Variants in TANK observed in about 807,000 individuals in gnomAD.
TANK encodes the protein TRAF family member-associated NF-kappa-B activator.
TANK carries 15 observed loss-of-function variants against 43.6 expected under a neutral mutation model. That is an observed-to-expected ratio of 0.34 (90% confidence interval 0.23 to 0.53). The LOEUF (loss-of-function observed/expected upper bound fraction) is 0.53. Ranked by LOEUF, TANK falls within the 20% of genes least tolerant of loss-of-function variation. The pLI, the probability that TANK is intolerant of heterozygous loss-of-function variation, is 0.94. For missense variants in TANK, 417 were observed against 498.6 expected (o/e 0.84, Z 1.56); for synonymous variants, 162 against 178.2 (o/e 0.91, Z 0.73).
At chr2:161,149,115 T>A (rs1684000794) in intron 1 of TANK, among the ~76,000 whole-genome samples, 1 of 152,182 alleles carries the variant, frequency 6.6e-6, no homozygotes, top group African/African-American at 2.4e-5. Flanking sequence ...AGTCTTCCAA[T>A]CCATGGACAT....
rs987368053 is a variant in TANK, at chr2:161,211,767, A to G, written c.327+6974A>G. ...GTGATTATGCACACTGTACAATGGC[A>G]CAGGCCAATGTAGGCTGGGGCTTAG... is the stretch of plus-strand genomic sequence containing the variant. On this transcript the variant is annotated intron_variant, in intron 4 of 7. Transcript: ENST00000392749. 3.2e-5 allele frequency: 32 copies of G among 985,294 alleles called. No individual in the cohort carries two copies. The South Asian group carries it at 1.2e-3, about 38-fold the overall frequency. 61.0% of individuals were successfully genotyped at this position (985,294 alleles called of 1,614,324 possible). A position where few individuals can be genotyped will look rare whatever the true frequency, so the allele number is the denominator to read the frequency against.
chr2:161,231,222 C>A lies in TANK; in HGVS notation c.772C>A (p.Pro258Thr), dbSNP rs1242983339. 1 of 1,613,982 alleles carries A rather than the reference C, an allele frequency of 6.2e-7. No individual in the cohort carries two copies. The highest frequency in any genetic ancestry group is 8.5e-7 in the Non-Finnish European group (1 of 1,180,022). ...STPERPGILS[P>T]ATSEAVCQEK... ...TCCAGAGAGACCCGGCATCCTTAGT[C>A]CTGCCACGTCTGAGGCAGTGTGCCA... Residue 258 changes from proline to threonine, a missense_variant, in exon 7 of 8, where the codon CCT (proline) becomes ACT (threonine). Transcript: ENST00000392749.
At chr2:161,136,985 A>C in exon 1 of TANK, 1 of 985,438 alleles carries the variant, frequency 1.0e-6, no homozygotes, top group Non-Finnish European at 1.2e-6. Flanking sequence ...GCCTGTGGAA[A>C]ACACTTTACA....
chr2:161,150,364 C>T lies in TANK; in HGVS notation c.-50+13301C>T, dbSNP rs185655707. Among the ~76,000 whole-genome samples the T allele has an allele frequency of 1.3e-4, 20 of 151,928 alleles. No individual in the cohort carries two copies. In the East Asian group the frequency reaches 2.1e-3, roughly 16 times the overall value. The stretch of plus-strand genomic sequence containing the variant: ...TGATTTTAGTTATTTATTTCTTCTT[C>T]CTCTTTTTCTTATCGATTTAAAGTT... On this transcript the variant is annotated intron_variant, in intron 1 of 7. Transcript: ENST00000259075.
chr2:161,155,822 T>C (rs1684209837), upstream of TANK, among the ~76,000 whole-genome samples: 1 of 152,226 alleles, frequency 6.6e-6, no homozygotes, highest in East Asian at 1.9e-4. Context: ...TACCACATTG[T>C]ATAGTAATTG....
At chr2:161,193,909 TGG>T (rs1285288365) in intron 2 of TANK, among the ~76,000 whole-genome samples, 1 of 152,174 alleles carries the variant, frequency 6.6e-6, no homozygotes, top group Non-Finnish European at 1.5e-5. Flanking sequence ...AAAATGGATA[TGG>T]GGAATAATTA....
chr2:161,212,083 C>CA (rs1315605087), intron 4 of TANK: 2 of 631,316 alleles, frequency 3.2e-6, no homozygotes, highest in Non-Finnish European at 3.9e-6. Context: ...TTTTTTGAGA[C>CA]AGGGTCTCAT....
chr2:161,186,012 T>G (rs1685646998), intron 2 of TANK, among the ~76,000 whole-genome samples: 1 of 152,158 alleles, frequency 6.6e-6, no homozygotes, highest in African/African-American at 2.4e-5. Context: ...GCCAAAATTA[T>G]GAACAAAATT....
intron 2 of TANK, among the ~76,000 whole-genome samples, chr2:161,180,706 T>C (rs1216937507): frequency 6.6e-6 from 1 of 152,122 alleles, no homozygotes; most frequent in Non-Finnish European, 1.5e-5. Flanking sequence ...AACTCAACAT[T>C]GGATCATACT....
chr2:161,147,437 G>GC (rs71009319), intron 1 of TANK, among the ~76,000 whole-genome samples: 152,295 of 152,298 alleles, frequency 1, 76,146 homozygotes, highest in Non-Finnish European at 1. Flanking sequence ...GGGAGGCTAG[G>GC]CCTGGTGGTG....
intron 4 of TANK, among the ~76,000 whole-genome samples, chr2:161,220,787 A>G (rs1425915423): frequency 6.6e-6 from 1 of 152,228 alleles, no homozygotes; most frequent in Non-Finnish European, 1.5e-5. Flanking sequence ...GCAGGTGTTA[A>G]GGAAAATGTA....
chr2:161,204,628 AAAAAT>A, intron 3 of TANK, 42 bp from the exon 4 acceptor site: 8 of 1,558,808 alleles, frequency 5.1e-6, no homozygotes, highest in Middle Eastern at 3.4e-4. Flanking sequence ...AGGTGGTACC[AAAAAT>A]AAGGGTTTTC....
At chr2:161,222,857 T>G (rs535865677) in intron 4 of TANK, 3 of 152,154 alleles carry the variant, frequency 2.0e-5, no homozygotes, top group Admixed American at 6.5e-5. Context: ...TTTAAAGTAT[T>G]TATTTAGAAA....
chr2:161,208,037 C>A, intron 4 of TANK: 1 of 759,808 alleles, frequency 1.3e-6, no homozygotes, highest in Non-Finnish European at 1.6e-6. Context: ...AAGGAAGCCA[C>A]TACGAGCCAC....
chr2:161,168,579 T>C (rs1003580330), intron 1 of TANK, among the ~76,000 whole-genome samples: 2 of 152,198 alleles, frequency 1.3e-5, no homozygotes, highest in Non-Finnish European at 2.9e-5. Flanking sequence ...ATGCCTATAA[T>C]CCAAGCACTT....
intron 1 of TANK, among the ~76,000 whole-genome samples, chr2:161,170,224 C>G (rs1416334344): frequency 6.6e-6 from 1 of 152,060 alleles, no homozygotes; most frequent in African/African-American, 2.4e-5. Context: ...GGGAGATGGG[C>G]TATGGTCAGT....
intron 1 of TANK, chr2:161,162,823 G>A (rs1250527272): frequency 6.6e-6 from 1 of 151,968 alleles, no homozygotes; most frequent in Non-Finnish European, 1.5e-5. Context: ...AATAGATATT[G>A]GATGTTCATT....
chr2:161,232,586 A>T (rs1008567416), intron 7 of TANK: 2 of 913,872 alleles, frequency 2.2e-6, no homozygotes, highest in African/African-American at 3.3e-5. Flanking sequence ...ATTTCACATC[A>T]TAGTCTCAGT....
At chr2:161,207,390 C>T (rs2105351669) in intron 4 of TANK, 1 of 973,008 alleles carries the variant, frequency 1.0e-6, no homozygotes, top group Non-Finnish European at 1.2e-6. Flanking sequence ...CATTTTTATA[C>T]TTTGAATAGT....
Sources: allele counts gnomAD v4.1 joint callset (sites outside exome capture counted in the v4.1 genomes callset), GRCh38; gene constraint gnomAD v4.1.1; transcripts MANE v1.5; gene names NCBI Gene and HGNC (gene_info 2026-07-23, HGNC 2026-07-21).